ZNF83: variants seen among roughly 807,000 people sequenced by gnomAD.
ZNF83 encodes zinc finger protein 83, also known as zinc finger protein 816B.
For missense variants in ZNF83, 552 were observed against 629.9 expected (o/e 0.88, Z 1.32); for synonymous variants, 209 against 213.0 (o/e 0.98, Z 0.17).
exon 3 of ZNF83, chr19:52,614,755 T>C: frequency 1.5e-6 from 2 of 1,292,878 alleles, no homozygotes; most frequent in Non-Finnish European, 2.0e-6. Flanking sequence ...ATTACTCTCC[T>C]TTTTTGGTGG....
At chr19:52,687,793 C>T (rs139798659) in intron 1 of ZNF83, among the ~76,000 whole-genome samples, 1,674 of 147,998 alleles carry the variant, frequency 0.011, 36 homozygotes, top group African/African-American at 0.039. Flanking sequence ...CCACTGCACT[C>T]CAGCCCGAGT....
chr19:52,650,261 CTT>C (rs1015695493), intron 3 of ZNF83, among the ~76,000 whole-genome samples: 1 of 39,610 alleles, frequency 2.5e-5, no homozygotes. Context: ...ACTTTTCTTT[CTT>C]TTTTTTTTTT....
chr19:52,649,123 C>G (rs2061411216), intron 3 of ZNF83, among the ~76,000 whole-genome samples: 1 of 152,122 alleles, frequency 6.6e-6, no homozygotes, highest in Non-Finnish European at 1.5e-5. Context: ...GCACTCGAGG[C>G]TGACACAGGT....
chr19:52,673,990 T>G (rs1010186670), intron 1 of ZNF83, among the ~76,000 whole-genome samples: 3 of 127,162 alleles, frequency 2.4e-5, no homozygotes, highest in African/African-American at 9.1e-5. Flanking sequence ...CCCTGCAGCC[T>G]GGGTAACAGA....
intron 3 of ZNF83, chr19:52,653,085 T>C (rs2061463900): frequency 6.7e-7 from 1 of 1,485,396 alleles, no homozygotes; most frequent in Admixed American, 1.7e-5. Flanking sequence ...CAGTATGAAT[T>C]GCCTTATGAA....
At chr19:52,624,051 T>C (rs1377880629) in intron 2 of ZNF83, among the ~76,000 whole-genome samples, 1 of 152,138 alleles carries the variant, frequency 6.6e-6, no homozygotes, top group Non-Finnish European at 1.5e-5. Context: ...GGACTGACAC[T>C]GACACTCATC....
chr19:52,689,183 A>T (rs963005320), intron 1 of ZNF83, among the ~76,000 whole-genome samples: 1 of 152,190 alleles, frequency 6.6e-6, no homozygotes, highest in African/African-American at 2.4e-5. Flanking sequence ...AAGGCCACTT[A>T]TAAAAACCCT....
chr19:52,645,337 G>T (rs191156609), intron 3 of ZNF83, among the ~76,000 whole-genome samples: 65 of 152,154 alleles, frequency 4.3e-4, no homozygotes, highest in Non-Finnish European at 7.5e-4. Context: ...ATTTGAACCA[G>T]ACACAAACAG....
rs1396233708 is a variant in ZNF83, at chr19:52,613,775, T to A, written c.790A>T (p.Asn264Tyr). 2 of 1,610,850 alleles carry A rather than the reference T, an allele frequency of 1.2e-6. 1 individual carries two copies. The highest frequency in any genetic ancestry group is 1.7e-6 in the Non-Finnish European group (2 of 1,179,190). ...TGATGGAAGACCTTTCCACATACAT[T>A]ACATCTGTAAGGTTTCTCTCCAGTA... The change falls in exon 3 of 3, where the codon AAT becomes TAT. Residue 264 changes from asparagine (N) to tyrosine (Y), a missense_variant. Physicochemically the swap from Asn to Tyr is moderately radical, Grantham distance 143. Transcript: ENST00000301096.
Position 52,650,261 on chromosome 19 carries a change from C to T in ZNF83, c.-74+5300G>A, listed in dbSNP as rs79188534. 1.3e-3 allele frequency among the ~76,000 whole-genome samples: 50 copies of T among 39,604 alleles called. 1 individual carries two copies. The highest frequency in any genetic ancestry group is 1.1e-3 in the Non-Finnish European group (24 of 21,718). The allele number at this position is 39,604 out of a possible 152,430, so 26.0% of individuals were successfully genotyped here. On this transcript the variant is annotated intron_variant, in intron 3 of 5. Coordinates refer to the ZNF83 transcript ENST00000594682. Reference sequence around the variant, plus strand: ...AAACATGAGCTTGTTACTTTTCTTTCTTTTTTTTTTTTGAGACAGAGTTTT... The same window carrying T: ...AAACATGAGCTTGTTACTTTTCTTTTTTTTTTTTTTTTGAGACAGAGTTTT...
At chr19:52,628,986 C>A (rs887124006) in intron 2 of ZNF83, among the ~76,000 whole-genome samples, 1 of 151,810 alleles carries the variant, frequency 6.6e-6, no homozygotes, top group African/African-American at 2.4e-5. Context: ...CCCTTCCCTC[C>A]GTGTCTCTAC....
chr19:52,628,657 C>T (rs1301095177), intron 2 of ZNF83, among the ~76,000 whole-genome samples: 1 of 152,024 alleles, frequency 6.6e-6, no homozygotes, highest in Non-Finnish European at 1.5e-5. Flanking sequence ...GCAAGTTCCG[C>T]TTTTCTAGGG....
chr19:52,639,415 A>ATTTTTTTTTTTTTTTTTTTTTTTTT (rs1160711365), upstream of ZNF83, among the ~76,000 whole-genome samples: 2 of 86,348 alleles, frequency 2.3e-5, no homozygotes, highest in African/African-American at 9.9e-5. Context: ...AGTTTTTTCT[A>ATTTTTTTTTTTTTTTTTTTTTTTTT]TTTTTTTTTT....
chr19:52,616,198 GTCTACCAACACCAACTT>G (rs2060299094), intron 2 of ZNF83, among the ~76,000 whole-genome samples: 2 of 152,034 alleles, frequency 1.3e-5, no homozygotes, highest in Non-Finnish European at 2.9e-5. Context: ...ATTCCTAGCC[GTCTACCAACACCAACTT>G]GCCAAAAGAA....
At chr19:52,639,300 G>A (rs1316515402), upstream of ZNF83, among the ~76,000 whole-genome samples, 6 of 151,692 alleles carry the variant, frequency 4.0e-5, no homozygotes. Context: ...TGGTCAGGTT[G>A]GTCTCAAATT....
At chr19:52,624,523 C>T (rs1412430542) in intron 2 of ZNF83, among the ~76,000 whole-genome samples, 3 of 152,162 alleles carry the variant, frequency 2.0e-5, no homozygotes, top group Non-Finnish European at 2.9e-5. Context: ...CCTAGCTGAC[C>T]GCACAGATCC....
exon 2 of ZNF83, chr19:52,660,802 T>G (rs2061569954): frequency 4.8e-6 from 1 of 209,236 alleles, no homozygotes; most frequent in Non-Finnish European, 1.0e-5. Flanking sequence ...TTTGGTCTTC[T>G]TGGTGGCTTT....
At chr19:52,636,192 G>C (rs2061141671) in intron 1 of ZNF83, 1 of 151,738 alleles carries the variant, frequency 6.6e-6, no homozygotes, top group African/African-American at 2.4e-5. Context: ...GCTCATCACT[G>C]TGGTCCCAGC....
chr19:52,639,058 A>G (rs151283866), upstream of ZNF83, among the ~76,000 whole-genome samples: 5 of 152,270 alleles, frequency 3.3e-5, no homozygotes, highest in East Asian at 9.6e-4. Context: ...CCACGTGGAT[A>G]TCCAGTTAGT....
Sources: gnomAD v4.1 joint callset for allele counts (sites outside exome capture counted in the v4.1 genomes callset) on GRCh38, gnomAD v4.1.1 for gene constraint, MANE v1.5 for transcripts, NCBI Gene and HGNC (gene_info 2026-07-23, HGNC 2026-07-21) for gene names.